The following DOCK9 variants were observed in gnomAD, a reference collection of about 807,000 sequenced individuals.
DOCK9 encodes the protein dedicator of cytokinesis protein 9.
Under a neutral mutation model 263.3 loss-of-function variants are expected in DOCK9, and 89 were observed. The ratio of observed to expected loss-of-function variants is 0.34; its 90% CI spans 0.28 to 0.40. DOCK9 has a LOEUF of 0.40. Among genes scored for constraint, DOCK9 ranks in the 10% least tolerant of loss-of-function variants. The pLI, the probability that DOCK9 is intolerant of heterozygous loss-of-function variation, is 1.00. For missense variants in DOCK9, 2,140 were observed against 2,603.4 expected (o/e 0.82, Z 3.87); for synonymous variants, 976 against 973.1 (o/e 1.00, Z -0.06).
At chr13:98,809,717 G>A (rs558478221) in intron 46 of DOCK9, among the ~76,000 whole-genome samples, 4 of 152,280 alleles carry the variant, frequency 2.6e-5, no homozygotes, top group Admixed American at 1.3e-4. Flanking sequence ...GTTAAGATGC[G>A]ATGTCAGAGA....
At chr13:98,880,424 T>G (rs1016608960) in intron 26 of DOCK9, 123 bp downstream of exon 26, 2 of 1,264,568 alleles carry the variant, frequency 1.6e-6, no homozygotes, top group Non-Finnish European at 2.2e-6. Flanking sequence ...CAGAGAACAC[T>G]ACCCCTTTTT....
At chr13:98,830,661 C>G (rs1302058543) in intron 41 of DOCK9, among the ~76,000 whole-genome samples, 5 of 152,112 alleles carry the variant, frequency 3.3e-5, no homozygotes, top group African/African-American at 1.2e-4. Flanking sequence ...TCTAGGTGCC[C>G]CTCCTGATAC....
intron 35 of DOCK9, 118 bp from the exon 36 acceptor site, chr13:98,850,231 G>A (rs2093523484): frequency 1.5e-6 from 1 of 672,696 alleles, no homozygotes; most frequent in Non-Finnish European, 2.4e-6. Flanking sequence ...TGGAGTGTAG[G>A]CCTCTAAACC....
At chr13:98,915,621 A>T in intron 7 of DOCK9, 118 bp from the exon 8 acceptor site, 2 of 989,990 alleles carry the variant, frequency 2.0e-6, no homozygotes, top group Non-Finnish European at 2.9e-6. Context: ...AGCTATTTTA[A>T]ATAGCTTGCC....
chr13:99,074,973 A>T (rs1302549786), intron 1 of DOCK9, among the ~76,000 whole-genome samples: 1 of 152,256 alleles, frequency 6.6e-6, no homozygotes, highest in African/African-American at 2.4e-5. Context: ...AAATCATTAC[A>T]GTAGTACAAT....
At chr13:99,065,064 C>T (rs1004200288) in intron 1 of DOCK9, among the ~76,000 whole-genome samples, 1 of 152,192 alleles carries the variant, frequency 6.6e-6, no homozygotes, top group African/African-American at 2.4e-5. Context: ...ACTCCCAGCA[C>T]AGTCACGCAC....
intron 1 of DOCK9, among the ~76,000 whole-genome samples, chr13:99,021,919 C>T (rs1886160788): frequency 6.6e-6 from 1 of 151,932 alleles, no homozygotes; most frequent in Non-Finnish European, 1.5e-5. Context: ...CCATGGCACA[C>T]ATATATTTAT....
At chr13:99,046,255 T>C (rs1359615463) in intron 1 of DOCK9, among the ~76,000 whole-genome samples, 1 of 151,912 alleles carries the variant, frequency 6.6e-6, no homozygotes, top group Non-Finnish European at 1.5e-5. Flanking sequence ...CCACCTGGCA[T>C]ATCTTCACTT....
intron 3 of DOCK9, among the ~76,000 whole-genome samples, chr13:98,928,459 A>G (rs986186541): frequency 6.6e-6 from 1 of 152,244 alleles, no homozygotes; most frequent in Admixed American, 6.5e-5. Flanking sequence ...CTCCAGCAGC[A>G]TAGGATGAAG....
At chr13:98,879,841 C>A in intron 27 of DOCK9, 57 bp downstream of exon 27, 2 of 1,429,494 alleles carry the variant, frequency 1.4e-6, no homozygotes, top group South Asian at 1.3e-5. Context: ...CACTACAAAG[C>A]AATGAAAGAG....
At chr13:99,048,855 G>A (rs756281004) in intron 1 of DOCK9, among the ~76,000 whole-genome samples, 4 of 152,152 alleles carry the variant, frequency 2.6e-5, no homozygotes, top group Admixed American at 6.5e-5. Context: ...ACCAAAAAGC[G>A]AAATTCAAAT....
rs530802109 is a variant in DOCK9 at position 99,055,092 on chromosome 13, T to C, written c.129+31131A>G. On this transcript the variant is annotated intron_variant, in intron 1 of 32. Coordinates refer to the DOCK9 transcript ENST00000427887. ...TTTCTTGAATGAACATATGAATGAA[T>C]GGCCCATTACTCTACTACTATGGAT... is the stretch of plus-strand genomic sequence containing the variant. Among the ~76,000 whole-genome samples the C allele has an allele frequency of 9.2e-5, 14 of 152,344 alleles. No homozygotes were observed. In the South Asian group the frequency reaches 2.9e-3, roughly 32 times the overall value.
chr13:98,809,035 T>A, intron 47 of DOCK9: 2 of 1,474,874 alleles, frequency 1.4e-6, no homozygotes, highest in Middle Eastern at 1.8e-4. Context: ...ACTAGACAGA[T>A]AAACATACAG....
rs769697533 is a variant in DOCK9, at chr13:98,831,670, G to A, written c.4431C>T (p.Ala1477=). Reference sequence around the variant, plus strand: ...TTACCTTATAAATTAAGGACCTTAAGGCAGTGAAGACATTTTTTAAAGCCG... The same window carrying A: ...TTACCTTATAAATTAAGGACCTTAAAGCAGTGAAGACATTTTTTAAAGCCG... ...SETALKNVFT[A]LRSLIYKFPS... Residue 1477 remains alanine (A), a synonymous_variant, in exon 40 of 53, where the codon GCC becomes GCT. Transcript: ENST00000682017. 4.3e-6 allele frequency: 7 copies of A among 1,613,644 alleles called. No homozygotes were observed. The Admixed American group carries it at 8.3e-5, about 19-fold the overall frequency.
At chr13:98,824,246 A>C (rs2092427919) in intron 45 of DOCK9, among the ~76,000 whole-genome samples, 152 bp downstream of exon 45, 1 of 152,240 alleles carries the variant, frequency 6.6e-6, no homozygotes, top group South Asian at 2.1e-4. Context: ...GCTGCTCTGC[A>C]TCAGTTGTCT....
At chr13:99,006,397 T>C (rs945378363) in intron 1 of DOCK9, among the ~76,000 whole-genome samples, 4 of 152,232 alleles carry the variant, frequency 2.6e-5, no homozygotes, top group Non-Finnish European at 5.9e-5. Context: ...ACACAGATTT[T>C]TGGGTAAAGA....
chr13:98,927,682 G>A (rs988982182), intron 3 of DOCK9, among the ~76,000 whole-genome samples: 2 of 151,618 alleles, frequency 1.3e-5, no homozygotes, highest in African/African-American at 4.9e-5. Flanking sequence ...GTGCAGTGGT[G>A]CAATCTTGGC....
intron 1 of DOCK9, among the ~76,000 whole-genome samples, chr13:99,021,140 A>G (rs969441319): frequency 1.2e-4 from 18 of 152,246 alleles, no homozygotes; most frequent in Admixed American, 9.2e-4. Context: ...TATCTGGCAC[A>G]GAGCCTAGTA....
In DOCK9 at chr13:98,794,719, G is replaced by A; in HGVS notation, c.6186C>T (p.Val2062=). Residue 2062 remains valine, a synonymous_variant, in exon 53 of 53, where the codon GTC becomes GTT. Transcript: ENST00000682017. ...TGAAGATGTGAAGGGAATTCGGTAAGACGCTCGTCTTCTCCTCCAGGGGGC... is the reference window on the plus strand; with the variant it reads ...TGAAGATGTGAAGGGAATTCGGTAAAACGCTCGTCTTCTCCTCCAGGGGGC... ...QICPLEEKTS[V]LPNSLHIFNA... The A allele has an allele frequency of 6.2e-7, 1 of 1,614,014 alleles. No homozygotes were observed. The highest frequency in any genetic ancestry group is 8.5e-7 in the Non-Finnish European group (1 of 1,179,886).
Sources: allele counts gnomAD v4.1 joint callset (sites outside exome capture counted in the v4.1 genomes callset), GRCh38; gene constraint gnomAD v4.1.1; transcripts MANE v1.5; gene names NCBI Gene and HGNC (gene_info 2026-07-23, HGNC 2026-07-21).